Variants in SCAMP5 observed in about 807,000 individuals in gnomAD.
The protein encoded by SCAMP5 is secretory carrier-associated membrane protein 5.
In SCAMP5, 7 loss-of-function variants were observed where a neutral mutation model predicts 28.3. The ratio of observed to expected loss-of-function variants is 0.25; its 90% CI spans 0.14 to 0.46. The LOEUF (loss-of-function observed/expected upper bound fraction) is 0.46. Ranked by LOEUF, SCAMP5 falls within the 20% of genes least tolerant of loss-of-function variation. The probability of loss-of-function intolerance (pLI) is 0.99; values close to 1 mark genes in which losing one functional copy is unlikely to be tolerated. For missense variants in SCAMP5, 192 were observed against 312.5 expected (o/e 0.61, Z 2.91); for synonymous variants, 117 against 116.4 (o/e 1.00, Z -0.03).
At chr15:75,005,775 A>T (rs879625641) in intron 1 of SCAMP5, among the ~76,000 whole-genome samples, 27 of 152,014 alleles carry the variant, frequency 1.8e-4, no homozygotes, top group Non-Finnish European at 3.7e-4. Flanking sequence ...CCCAGGCTGG[A>T]GTGCAGTGGC....
chr15:75,008,844 C>T (rs1031538542), intron 1 of SCAMP5, among the ~76,000 whole-genome samples: 2 of 152,176 alleles, frequency 1.3e-5, no homozygotes, highest in South Asian at 4.2e-4. Context: ...TGATGCACCT[C>T]GTATATTCAA....
chr15:75,009,227 T>C (rs1257755710), intron 1 of SCAMP5, among the ~76,000 whole-genome samples: 1 of 152,196 alleles, frequency 6.6e-6, no homozygotes, highest in African/African-American at 2.4e-5. Context: ...TGGTTTCTAA[T>C]CCTTTGTTAT....
chr15:75,005,815 C>T (rs773977632), intron 1 of SCAMP5, among the ~76,000 whole-genome samples: 117 of 151,998 alleles, frequency 7.7e-4, no homozygotes, highest in Non-Finnish European at 5.9e-4. Context: ...ACCTCCGCCT[C>T]CCGGGTTCAA....
intron 4 of SCAMP5, 54 bp from the exon 5 acceptor site, chr15:75,017,816 C>T (rs1266471319): frequency 1.2e-5 from 14 of 1,164,058 alleles, no homozygotes; most frequent in African/African-American, 4.5e-5. Flanking sequence ...GCCTTGAAGG[C>T]AGGGAAGCCC....
Position 75,000,683 on chromosome 15 carries a change from CTTTTTT to C in SCAMP5, c.-49+5024_-49+5029del, listed in dbSNP as rs58106804. Among the ~76,000 whole-genome samples the C allele has an allele frequency of 1.6e-3, 197 of 120,286 alleles. 1 individual carries two copies. The highest frequency in any genetic ancestry group is 5.9e-3 in the African/African-American group (194 of 32,938). 78.9% of individuals were successfully genotyped at this position (120,286 alleles called of 152,430 possible). On this transcript the variant is annotated intron_variant, in intron 1 of 6. Transcript: ENST00000425597. ...ACAGGCGTGAGCCATCGCACCCAGC[CTTTTTT>C]TTTTTTTTTTTTTGAAGAGAAGAAG...
At chr15:75,012,900 C>A (rs2065825448) in intron 3 of SCAMP5, 95 bp downstream of exon 3, 3 of 1,240,190 alleles carry the variant, frequency 2.4e-6, no homozygotes, top group Admixed American at 1.8e-5. Context: ...ACAGGCCTGA[C>A]TGTCCTTCAG....
In SCAMP5 at chr15:75,019,896, T is replaced by A. The variant is rs1269455065; in HGVS notation, c.*913T>A. On this transcript the variant is annotated 3_prime_UTR_variant, in exon 7 of 7. Transcript: ENST00000425597. ...TGATCTGCAGGGGCAGGCTCATCTT[T>A]TCTCTCCCCTGCCTTCTCCTCCTTC... is the stretch of plus-strand genomic sequence containing the variant. 1 of 152,450 alleles carries A rather than the reference T, an allele frequency of 6.6e-6. No individual in the cohort carries two copies. Among genetic ancestry groups the A allele is most frequent in the Non-Finnish European group, 1.5e-5 (1 of 68,152 alleles). 9.4% of individuals were successfully genotyped at this position (152,450 alleles called of 1,614,324 possible).
At position 74,995,591 on chromosome 15, in the gene SCAMP5, G is replaced by C. The variant is rs1011128758; in HGVS notation, c.-131G>C. The C allele has an allele frequency of 7.0e-6, 1 of 143,512 alleles. No individual in the cohort carries two copies. Among genetic ancestry groups the C allele is most frequent in the South Asian group, 2.3e-4 (1 of 4,280 alleles). The allele number at this position is 143,512 out of a possible 1,614,324, so 8.9% of individuals were successfully genotyped here. A position where few individuals can be genotyped will look rare whatever the true frequency, so the allele number is the denominator to read the frequency against. ...CGCCCCCAGCCCCGGAGCGGCTCGC[G>C]GCCGGCTCCGCGCCGCATCGCTCGG... On this transcript the variant is annotated 5_prime_UTR_variant, in exon 1 of 7. Coordinates refer to ENST00000425597, the MANE Select transcript of SCAMP5 (RefSeq NM_138967.4).
rs1029263192 is a variant in SCAMP5, at chr15:75,020,747, A to G, written c.*1764A>G. On this transcript the variant is annotated 3_prime_UTR_variant, in exon 7 of 7. Coordinates refer to ENST00000425597, the MANE Select transcript of SCAMP5 (RefSeq NM_138967.4). ...GCTTGCCTGAGCTGTTTGGACAAAA[A>G]TCCAAACCCCACTTGGCTACTCTGG... The G allele has an allele frequency of 6.6e-6, 1 of 152,108 alleles. No individual in the cohort carries two copies. The highest frequency in any genetic ancestry group is 2.4e-5 in the African/African-American group (1 of 41,418). The allele number at this position is 152,108 out of a possible 1,614,324, so 9.4% of individuals were successfully genotyped here. A position where few individuals can be genotyped will look rare whatever the true frequency, so the allele number is the denominator to read the frequency against.
intron 4 of SCAMP5, 80 bp downstream of exon 4, chr15:75,016,829 C>CA: frequency 1.0e-6 from 1 of 979,856 alleles, no homozygotes; most frequent in Non-Finnish European, 1.4e-6. Flanking sequence ...TTTCTCACTT[C>CA]TTTTTTTTTT....
At chr15:74,997,365 G>T (rs1252130596) in intron 1 of SCAMP5, 1 of 152,174 alleles carries the variant, frequency 6.6e-6, no homozygotes, top group African/African-American at 2.4e-5. Context: ...GGCGTTAATT[G>T]CCTCCCTCCC....
Position 75,001,068 on chromosome 15 carries a change from A to G in SCAMP5, c.-49+5395A>G, listed in dbSNP as rs1376880408. ...GAGGTCAGGAGATCGATACTAGCCG[A>G]GACCATCCTGGCTAACACGGTGAAA... On this transcript the variant is annotated intron_variant, in intron 1 of 6. Coordinates refer to ENST00000425597, the MANE Select transcript of SCAMP5 (RefSeq NM_138967.4). 9.9e-5 allele frequency among the ~76,000 whole-genome samples: 15 copies of G among 151,128 alleles called. No homozygotes were observed. The East Asian group carries it at 3.0e-3, about 30-fold the overall frequency.
chr15:75,000,899 GC>G (rs1156325627), intron 1 of SCAMP5, among the ~76,000 whole-genome samples: 1 of 151,772 alleles, frequency 6.6e-6, no homozygotes, highest in Non-Finnish European at 1.5e-5. Flanking sequence ...CCGTGCTATT[GC>G]TCTTCTGACT....
chr15:75,019,061 C>T lies in SCAMP5; in HGVS notation c.*78C>T. 1 of 1,023,030 alleles carries T rather than the reference C, an allele frequency of 9.8e-7. No individual in the cohort carries two copies. The highest frequency in any genetic ancestry group is 1.4e-6 in the Non-Finnish European group (1 of 711,950). 63.4% of individuals were successfully genotyped at this position (1,023,030 alleles called of 1,614,324 possible). A position where few individuals can be genotyped will look rare whatever the true frequency, so the allele number is the denominator to read the frequency against. On this transcript the variant is annotated 3_prime_UTR_variant, in exon 7 of 7. Coordinates refer to ENST00000425597, the MANE Select transcript of SCAMP5 (RefSeq NM_138967.4). ...AAGCCACATCGTCATTTGTGGTTAC[C>T]AAGCAGGGTTCCCCCTTCCCTTTTC... is the stretch of plus-strand genomic sequence containing the variant.
In SCAMP5 at chr15:75,010,490, C is replaced by T. The variant is rs141502723; in HGVS notation, c.-48-1302C>T. ...TGCCTTTCCAGCCTCATCTGCTGCC[C>T]CCTCATTTGCACTCTGCTTTGGCCA... On this transcript the variant is annotated intron_variant, in intron 1 of 6. Coordinates refer to ENST00000425597, the MANE Select transcript of SCAMP5 (RefSeq NM_138967.4). 2.6e-5 allele frequency among the ~76,000 whole-genome samples: 4 copies of T among 152,306 alleles called. No individual in the cohort carries two copies. In the East Asian group the frequency reaches 7.7e-4, roughly 29 times the overall value.
intron 3 of SCAMP5, among the ~76,000 whole-genome samples, chr15:75,013,963 G>A (rs186959478): frequency 6.6e-5 from 10 of 152,108 alleles, no homozygotes; most frequent in Admixed American, 5.9e-4. Flanking sequence ...TGTCTTCTTG[G>A]GGGGATGGGA....
At chr15:74,997,825 C>T (rs1388132482) in intron 1 of SCAMP5, among the ~76,000 whole-genome samples, 1 of 152,134 alleles carries the variant, frequency 6.6e-6, no homozygotes, top group East Asian at 1.9e-4. Flanking sequence ...ACAGCATGGC[C>T]AGGAGACTGC....
At chr15:75,009,377 C>T (rs538991652) in intron 1 of SCAMP5, among the ~76,000 whole-genome samples, 107 of 150,366 alleles carry the variant, frequency 7.1e-4, no homozygotes, top group Middle Eastern at 6.8e-3. Context: ...CAAAAGAGTC[C>T]GAAGATTGTA....
intron 3 of SCAMP5, among the ~76,000 whole-genome samples, chr15:75,015,403 G>A (rs2079439518): frequency 6.6e-6 from 1 of 151,414 alleles, no homozygotes; most frequent in South Asian, 2.1e-4. Flanking sequence ...TGCTGGCCGT[G>A]ACTCAGTGAC....
Sources: allele counts gnomAD v4.1 joint callset (sites outside exome capture counted in the v4.1 genomes callset), GRCh38; gene constraint gnomAD v4.1.1; transcripts MANE v1.5; gene names NCBI Gene and HGNC (gene_info 2026-07-23, HGNC 2026-07-21).